The following RANBP3L variants were observed in gnomAD, a reference collection of about 807,000 sequenced individuals.
RANBP3L encodes RAN binding protein 3 like, also known as ran-binding protein 3-like.
A neutral mutation model predicts 67.2 loss-of-function variants in RANBP3L; 56 were observed. The observed-to-expected ratio is 0.83, with a 90% CI of 0.67 to 1.04. RANBP3L has a LOEUF of 1.04. Among genes scored for constraint, RANBP3L ranks in the 50% least tolerant of loss-of-function variants. The pLI is 0.00. For synonymous variants in RANBP3L, 164 were observed against 181.4 expected (o/e 0.90, Z 0.77); for missense variants, 496 against 535.5 (o/e 0.93, Z 0.73).
intron 1 of RANBP3L, among the ~76,000 whole-genome samples, chr5:36,284,419 A>C (rs1751187727): frequency 1.3e-5 from 2 of 152,240 alleles, no homozygotes; most frequent in Non-Finnish European, 2.9e-5. Flanking sequence ...AAAGCAACTC[A>C]GGTGTGAAAC....
chr5:36,296,814 G>A (rs1752249496), intron 1 of RANBP3L, among the ~76,000 whole-genome samples: 1 of 152,156 alleles, frequency 6.6e-6, no homozygotes, highest in African/African-American at 2.4e-5. Context: ...TCATTAGTGA[G>A]TGAGTCTCAT....
At chr5:36,280,708 G>A (rs1281846903) in intron 1 of RANBP3L, among the ~76,000 whole-genome samples, 1 of 152,020 alleles carries the variant, frequency 6.6e-6, no homozygotes, top group East Asian at 1.9e-4. Context: ...GGACTAGAAT[G>A]GTTTTATAAG....
chr5:36,294,736 T>TTATA lies in RANBP3L; in HGVS notation c.91+6586_91+6589dup, dbSNP rs375468190. ...TTTTAAGGCTGAAAATTATTTGGTTTTATATATATATATATGTATAGTGTG... is the reference window on the plus strand; with the variant it reads ...TTTTAAGGCTGAAAATTATTTGGTTTTATATATATATATATATATGTATAGTGTG... On this transcript the variant is annotated intron_variant, in intron 1 of 13. Transcript: ENST00000296604. 4.7e-5 allele frequency among the ~76,000 whole-genome samples: 7 copies of TTATA among 148,968 alleles called. No individual in the cohort carries two copies. The East Asian group carries it at 1.4e-3, about 29-fold the overall frequency.
At chr5:36,265,131 GT>G (rs1749671330) in intron 5 of RANBP3L, 33 bp from the exon 6 acceptor site, 1 of 1,362,960 alleles carries the variant, frequency 7.3e-7, no homozygotes, top group South Asian at 1.3e-5. Flanking sequence ...ATAAATATAT[GT>G]TTACTGAAAT....
At chr5:36,275,337 C>G (rs975195073) in intron 1 of RANBP3L, among the ~76,000 whole-genome samples, 3 of 152,176 alleles carry the variant, frequency 2.0e-5, no homozygotes, top group Non-Finnish European at 4.4e-5. Flanking sequence ...TAAATGCATA[C>G]CATTAGTAAG....
rs563152403 is a variant in RANBP3L at position 36,298,246 on chromosome 5, G to A, written c.91+3080C>T. Among the ~76,000 whole-genome samples, 6 of 150,836 alleles carry A rather than the reference G, an allele frequency of 4.0e-5. No individual in the cohort carries two copies. The East Asian group carries it at 1.2e-3, about 29-fold the overall frequency. ...ACCCGGGAGGCAGAGGTTGCAGTGA[G>A]CCGAGATCATGCCACTGCACTCCAG... On this transcript the variant is annotated intron_variant, in intron 1 of 13. Transcript: ENST00000296604.
At chr5:36,297,130 A>C (rs1752272940) in intron 1 of RANBP3L, among the ~76,000 whole-genome samples, 1 of 152,136 alleles carries the variant, frequency 6.6e-6, no homozygotes. Flanking sequence ...AACATAAGAC[A>C]GTCGATTAAT....
At chr5:36,294,131 A>T (rs796652914) in intron 1 of RANBP3L, among the ~76,000 whole-genome samples, 1 of 152,050 alleles carries the variant, frequency 6.6e-6, no homozygotes, top group South Asian at 2.1e-4. Context: ...TAGTCTTGGG[A>T]GAGTGTATGT....
intron 1 of RANBP3L, among the ~76,000 whole-genome samples, chr5:36,285,377 A>C (rs1049547050): frequency 2.6e-5 from 4 of 152,220 alleles, no homozygotes; most frequent in Non-Finnish European, 1.5e-5. Flanking sequence ...GCCTTCCATA[A>C]CAAAGAATAT....
At position 36,295,697 on chromosome 5, in the gene RANBP3L, T is replaced by G. The variant is rs560210488; in HGVS notation, c.91+5629A>C. ...TGTTTTTTTTTTTTTTTTTTTCAAA[T>G]AGTAGCCATCCTAATATTTGTGAAG... is the stretch of plus-strand genomic sequence containing the variant. On this transcript the variant is annotated intron_variant, in intron 1 of 13. Transcript: ENST00000296604. Among the ~76,000 whole-genome samples the G allele has an allele frequency of 2.7e-3, 344 of 128,980 alleles. 1 individual carries two copies. Among genetic ancestry groups the G allele is most frequent in the African/African-American group, 9.1e-3 (325 of 35,700 alleles). 84.6% of individuals were successfully genotyped at this position (128,980 alleles called of 152,430 possible).
intron 4 of RANBP3L, 47 bp from the exon 5 acceptor site, chr5:36,265,567 G>T: frequency 9.0e-7 from 1 of 1,115,954 alleles, no homozygotes; most frequent in Non-Finnish European, 1.3e-6. Context: ...AAGAGTGTCA[G>T]ATTCTACACT....
rs564759142 is a variant in RANBP3L at position 36,252,557 on chromosome 5, G to A, written c.1168-1058C>T. 8.2e-4 allele frequency among the ~76,000 whole-genome samples: 124 copies of A among 152,042 alleles called. 1 individual carries two copies. The highest frequency in any genetic ancestry group is 1.5e-3 in the Non-Finnish European group (104 of 67,944). ...TAAGTAGCTTTCCCGAAGGTTATAC[G>A]GTATGTACGCTATGCTACATATATG... On this transcript the variant is annotated intron_variant, in intron 12 of 13. Transcript: ENST00000296604.
At chr5:36,273,420 CAT>C (rs1750361972) in intron 1 of RANBP3L, among the ~76,000 whole-genome samples, 2 of 152,312 alleles carry the variant, frequency 1.3e-5, no homozygotes, top group Admixed American at 1.3e-4. Context: ...TAATTCAACA[CAT>C]ATTTATTGAG....
rs139708174 is a variant in RANBP3L at position 36,273,220 on chromosome 5, G to C, written c.92-1909C>G. 2.9e-3 allele frequency among the ~76,000 whole-genome samples: 447 copies of C among 152,230 alleles called. 4 individuals are homozygous for C. The highest frequency in any genetic ancestry group is 0.01 in the African/African-American group (421 of 41,536). ...ATGTGACTCTTCTAAACTGGGCTTA[G>C]GACAGTCATCCCTAAACAGCATGGC... On this transcript the variant is annotated intron_variant, in intron 1 of 13. Coordinates refer to ENST00000296604, the MANE Select transcript of RANBP3L (RefSeq NM_145000.5).
In RANBP3L at chr5:36,265,027, T is replaced by A. The variant is rs753415295; in HGVS notation, c.412A>T (p.Lys138Ter). The A allele has an allele frequency of 3.7e-6, 6 of 1,613,920 alleles. No homozygotes were observed. The South Asian group carries it at 6.6e-5, about 18-fold the overall frequency. Reference sequence around the variant, plus strand: ...TTGTGTCCAAATGTTTTTCTTACTTTTGCACAACTTCGAGCTTGAGGTAGC... The same window carrying A: ...TTGTGTCCAAATGTTTTTCTTACTTATGCACAACTTCGAGCTTGAGGTAGC... ...LQLPQARSCA[K>*]VRKTFGHKAL... is the part of the protein sequence containing the mutation. The change falls in exon 6 of 14, where the codon AAA (lysine) becomes TAA (stop). Residue 138 changes from lysine to a stop codon, truncating the protein, a stop_gained. Coordinates refer to ENST00000296604, the MANE Select transcript of RANBP3L (RefSeq NM_145000.5). LOFTEE classifies it high-confidence loss of function.
intron 1 of RANBP3L, among the ~76,000 whole-genome samples, chr5:36,291,452 G>A (rs1186974975): frequency 6.6e-6 from 1 of 150,776 alleles, no homozygotes; most frequent in East Asian, 1.9e-4. Context: ...ACAATGTGCA[G>A]GTTAGTTACA....
At position 36,257,538 on chromosome 5, in the gene RANBP3L, G is replaced by T; in HGVS notation, c.688C>A (p.Gln230Lys). 6.4e-7 allele frequency: 1 copy of T among 1,572,980 alleles called. No homozygotes were observed. The highest frequency in any genetic ancestry group is 2.3e-5 in the East Asian group (1 of 43,434). ...ERVLGTQKLTQPQLENDSYAK... is the reference protein window; with the variant it reads ...ERVLGTQKLTKPQLENDSYAK... ...TATGAATCATTTTCAAGTTGAGGCT[G>T]GGTGAGTTTTTGAGTACCCTGAGAG... Residue 230 changes from glutamine to lysine, a missense_variant, in exon 9 of 14, where the codon CAG becomes AAG. Physicochemically the swap from Gln to Lys is moderately conservative, Grantham distance 53 (BLOSUM62 1). Coordinates refer to ENST00000296604, the MANE Select transcript of RANBP3L (RefSeq NM_145000.5).
In RANBP3L at chr5:36,257,477, A is replaced by T; in HGVS notation, c.749T>A (p.Phe250Tyr). ...ACTTGAACTTAAAAAGTTGACAGGA[A>T]ATTTCGGAATGGATTTGAATGGTTT... is the stretch of plus-strand genomic sequence containing the variant. ...KEKPFKSIPKFPVNFLSSRTD... is the reference protein window; with the variant it reads ...KEKPFKSIPKYPVNFLSSRTD... Residue 250 changes from phenylalanine (F) to tyrosine (Y), a missense_variant, in exon 9 of 14, where the codon TTT becomes TAT. Physicochemically the swap from Phe to Tyr is conservative, Grantham distance 22. Transcript: ENST00000296604. 6.3e-7 allele frequency: 1 copy of T among 1,583,768 alleles called. No individual in the cohort carries two copies. Among genetic ancestry groups the T allele is most frequent in the East Asian group, 2.3e-5 (1 of 44,194 alleles).
intron 1 of RANBP3L, among the ~76,000 whole-genome samples, chr5:36,271,601 C>A (rs530895027): frequency 6.6e-6 from 1 of 152,084 alleles, no homozygotes; most frequent in Admixed American, 6.5e-5. Flanking sequence ...AATTATGTAC[C>A]TTTAGAATCT....
Sources: gnomAD v4.1 joint callset for allele counts (sites outside exome capture counted in the v4.1 genomes callset) on GRCh38, gnomAD v4.1.1 for gene constraint, MANE v1.5 for transcripts, NCBI Gene and HGNC (gene_info 2026-07-23, HGNC 2026-07-21) for gene names.